Variants in LIMS1 observed in about 807,000 individuals in gnomAD.
The protein encoded by LIMS1 is LIM and senescent cell antigen-like-containing domain protein 1.
LIMS1 carries 18 observed loss-of-function variants against 44.1 expected under a neutral mutation model. The ratio of observed to expected loss-of-function variants is 0.41; its 90% CI spans 0.28 to 0.61. LIMS1 has a LOEUF of 0.61. Ranked by LOEUF, LIMS1 falls within the 20% of genes least tolerant of loss-of-function variation. The pLI, the probability that LIMS1 is intolerant of heterozygous loss-of-function variation, is 0.32. For synonymous variants in LIMS1, 93 were observed against 149.1 expected, an observed-to-expected ratio of 0.62 and a Z score of 2.74; for missense variants, 201 against 422.0, an observed-to-expected ratio of 0.48 and a Z score of 4.59.
At chr2:108,642,209 G>C (rs1689715403) in intron 1 of LIMS1, among the ~76,000 whole-genome samples, 1 of 151,994 alleles carries the variant, frequency 6.6e-6, no homozygotes, top group Admixed American at 6.5e-5. Flanking sequence ...TTCTATATTG[G>C]AGTCCTGTAT....
intron 1 of LIMS1, among the ~76,000 whole-genome samples, chr2:108,598,169 C>A: frequency 6.6e-6 from 1 of 151,590 alleles, no homozygotes; most frequent in East Asian, 1.9e-4. Flanking sequence ...ACAACTGCAG[C>A]GTGGGCTATT....
intron 1 of LIMS1, among the ~76,000 whole-genome samples, chr2:108,567,241 G>A (rs930068627): frequency 3.3e-5 from 5 of 151,984 alleles, no homozygotes; most frequent in Non-Finnish European, 5.9e-5. Flanking sequence ...GTTTCCTCCC[G>A]CATCCCAAAG....
intron 1 of LIMS1, among the ~76,000 whole-genome samples, chr2:108,574,602 CT>C (rs1272666433): frequency 2.0e-5 from 3 of 152,168 alleles, no homozygotes; most frequent in Non-Finnish European, 4.4e-5. Flanking sequence ...CTGTTTATAA[CT>C]AGTAAGTATT....
intron 1 of LIMS1, among the ~76,000 whole-genome samples, chr2:108,652,870 C>G (rs1690595450): frequency 1.3e-5 from 2 of 152,124 alleles, no homozygotes; most frequent in Non-Finnish European, 2.9e-5. Context: ...CTGTCTGTCT[C>G]TTTCTTCCCC....
intron 1 of LIMS1, among the ~76,000 whole-genome samples, chr2:108,569,733 T>C (rs1221949415): frequency 6.8e-6 from 1 of 147,002 alleles, no homozygotes; most frequent in Non-Finnish European, 1.5e-5. Context: ...GTAGCTATTA[T>C]AGCATTACAA....
chr2:108,623,379 T>C (rs1019185249), intron 1 of LIMS1, among the ~76,000 whole-genome samples: 7 of 152,166 alleles, frequency 4.6e-5, no homozygotes, highest in Admixed American at 3.9e-4. Flanking sequence ...GGACAAGTTA[T>C]ATAATTTTTT....
chr2:108,644,466 C>T (rs1184883140), intron 1 of LIMS1, among the ~76,000 whole-genome samples: 13 of 152,240 alleles, frequency 8.5e-5, no homozygotes, highest in African/African-American at 2.2e-4. Context: ...ACAAAAATGA[C>T]GTCCACTCAG....
chr2:108,620,259 T>G (rs1470589873), intron 1 of LIMS1, among the ~76,000 whole-genome samples: 1 of 152,188 alleles, frequency 6.6e-6, no homozygotes, highest in African/African-American at 2.4e-5. Context: ...TGTAAAAATA[T>G]TATCAGACCC....
chr2:108,543,615 C>T (rs959461807), intron 1 of LIMS1, among the ~76,000 whole-genome samples: 2 of 152,166 alleles, frequency 1.3e-5, no homozygotes, highest in African/African-American at 2.4e-5. Flanking sequence ...AGCACCTGGA[C>T]CCATTTAGAT....
chr2:108,630,826 G>A (rs1211668123), intron 1 of LIMS1, among the ~76,000 whole-genome samples: 1 of 152,188 alleles, frequency 6.6e-6, no homozygotes, highest in Non-Finnish European at 1.5e-5. Context: ...GAGGAAAAAT[G>A]TAGGATTCTT....
chr2:108,575,858 C>T (rs765019964), intron 1 of LIMS1, among the ~76,000 whole-genome samples: 12 of 152,118 alleles, frequency 7.9e-5, no homozygotes, highest in Non-Finnish European at 1.5e-4. Flanking sequence ...TGTGATACAG[C>T]ATTTTTTATT....
At chr2:108,649,495 A>G (rs556385289) in intron 1 of LIMS1, among the ~76,000 whole-genome samples, 2 of 152,338 alleles carry the variant, frequency 1.3e-5, no homozygotes, top group Admixed American at 1.3e-4. Flanking sequence ...AAAGGATTAT[A>G]AATCATTCTA....
At chr2:108,680,861 T>C in intron 9 of LIMS1, 91 bp downstream of exon 9, 1 of 1,536,130 alleles carries the variant, frequency 6.5e-7, no homozygotes. Flanking sequence ...AAAAAGAGAA[T>C]TATTTGATTT....
intron 1 of LIMS1, among the ~76,000 whole-genome samples, chr2:108,554,246 T>C (rs1264999017): frequency 6.6e-6 from 1 of 152,044 alleles, no homozygotes; most frequent in Non-Finnish European, 1.5e-5. Flanking sequence ...CTGTGGAAAA[T>C]CTAGGAGATG....
At chr2:108,559,944 G>A (rs2718743) in intron 1 of LIMS1, among the ~76,000 whole-genome samples, 9 of 148,108 alleles carry the variant, frequency 6.1e-5, no homozygotes, top group African/African-American at 9.8e-5. Context: ...GAGCCCACCC[G>A]CCAGCCCCAC....
intron 1 of LIMS1, among the ~76,000 whole-genome samples, chr2:108,603,494 C>CTT (rs1246323100): frequency 1.1e-5 from 1 of 87,906 alleles, no homozygotes; most frequent in South Asian, 3.2e-4. Context: ...CTTTTCATCG[C>CTT]CTTTTTTTTT....
intron 1 of LIMS1, among the ~76,000 whole-genome samples, chr2:108,548,815 C>G (rs1451293239): frequency 6.6e-6 from 1 of 152,072 alleles, no homozygotes; most frequent in East Asian, 1.9e-4. Flanking sequence ...GATGGGAACT[C>G]CAAGGATATA....
intron 1 of LIMS1, among the ~76,000 whole-genome samples, chr2:108,646,924 C>T (rs1436162243): frequency 6.6e-6 from 1 of 151,934 alleles, no homozygotes; most frequent in Non-Finnish European, 1.5e-5. Context: ...GGTTTCACCG[C>T]GTTAGCCAGG....
intron 1 of LIMS1, among the ~76,000 whole-genome samples, chr2:108,641,129 G>A (rs983129109): frequency 6.6e-6 from 1 of 152,082 alleles, no homozygotes; most frequent in African/African-American, 2.4e-5. Flanking sequence ...TTTTTTTGTG[G>A]CTGGATGATA....
Sources: allele counts gnomAD v4.1 joint callset (sites outside exome capture counted in the v4.1 genomes callset), GRCh38; gene constraint gnomAD v4.1.1; transcripts MANE v1.5; gene names NCBI Gene and HGNC (gene_info 2026-07-23, HGNC 2026-07-21).